DCBLD2: variants seen among roughly 807,000 people sequenced by gnomAD.
The protein encoded by DCBLD2 is discoidin, CUB and LCCL domain-containing protein 2.
Under a neutral mutation model 86.8 loss-of-function variants are expected in DCBLD2, and 54 were observed. The ratio of observed to expected loss-of-function variants is 0.62; its 90% CI spans 0.50 to 0.78. DCBLD2 has a LOEUF of 0.78. Ranked by LOEUF, DCBLD2 falls within the 30% of genes least tolerant of loss-of-function variation. DCBLD2 has a pLI of 0.00. For synonymous variants in DCBLD2, 354 were observed against 341.3 expected (o/e 1.04, Z -0.41); for missense variants, 908 against 954.2 (o/e 0.95, Z 0.64).
At chr3:98,814,759 G>A (rs1035591144) in intron 9 of DCBLD2, 1 of 152,154 alleles carries the variant, frequency 6.6e-6, no homozygotes, top group African/African-American at 2.4e-5. Context: ...TACATGAGCG[G>A]GAAAAGACTG....
At chr3:98,889,326 A>T (rs1943615436) in intron 1 of DCBLD2, among the ~76,000 whole-genome samples, 1 of 151,976 alleles carries the variant, frequency 6.6e-6, no homozygotes, top group Admixed American at 6.6e-5. Context: ...CTCAAAGTCA[A>T]GTCAATGTTA....
intron 4 of DCBLD2, 66 bp from the exon 5 acceptor site, chr3:98,822,807 C>A (rs1237358029): frequency 5.9e-6 from 8 of 1,360,800 alleles, no homozygotes; most frequent in African/African-American, 3.0e-5. Flanking sequence ...AGCAACCCCC[C>A]AAAAATATCA....
chr3:98,885,461 CT>C (rs1226387588), intron 1 of DCBLD2, among the ~76,000 whole-genome samples: 1 of 151,868 alleles, frequency 6.6e-6, no homozygotes, highest in African/African-American at 2.4e-5. Flanking sequence ...CATCGTGACC[CT>C]ATACACTCTC....
At chr3:98,826,130 C>G (rs972800605) in intron 3 of DCBLD2, among the ~76,000 whole-genome samples, 1 of 151,770 alleles carries the variant, frequency 6.6e-6, no homozygotes. Flanking sequence ...TAATTAAGAC[C>G]AAGTTCATAG....
chr3:98,848,306 T>G (rs1942763838), intron 3 of DCBLD2, among the ~76,000 whole-genome samples: 1 of 152,222 alleles, frequency 6.6e-6, no homozygotes, highest in East Asian at 1.9e-4. Context: ...AACATCTCAT[T>G]CTTTTTCATG....
intron 3 of DCBLD2, 65 bp from the exon 4 acceptor site, chr3:98,825,431 G>C: frequency 3.2e-6 from 4 of 1,253,846 alleles, no homozygotes; most frequent in Non-Finnish European, 4.4e-6. Flanking sequence ...GAAACTCCAA[G>C]TGTCTCAGAA....
At chr3:98,863,757 A>G (rs1943089437) in intron 2 of DCBLD2, among the ~76,000 whole-genome samples, 1 of 152,204 alleles carries the variant, frequency 6.6e-6, no homozygotes, top group South Asian at 2.1e-4. Context: ...CACCATAAAA[A>G]CCCTAGAAGA....
rs142448131 is a variant in DCBLD2, at chr3:98,870,702, GA to G, written c.433+10837del. Among the ~76,000 whole-genome samples the G allele has an allele frequency of 7.3e-3, 738 of 101,002 alleles. 28 individuals carry two copies. The highest frequency in any genetic ancestry group is 0.064 in the East Asian group (256 of 4,030). 66.3% of individuals were successfully genotyped at this position (101,002 alleles called of 152,430 possible). A position where few individuals can be genotyped will look rare whatever the true frequency, so the allele number is the denominator to read the frequency against. On this transcript the variant is annotated intron_variant, in intron 2 of 15. Transcript: ENST00000326840. ...AGAAATAGAGAAAGAAAAAGAGAGAGAAAAAAAGAAAGAAAAAGGAAAAGAA... is the reference window on the plus strand; with the variant it reads ...AGAAATAGAGAAAGAAAAAGAGAGAGAAAAAAGAAAGAAAAAGGAAAAGAA...
intron 5 of DCBLD2, 84 bp from the exon 6 acceptor site, chr3:98,822,445 G>C (rs1220857104): frequency 1.3e-6 from 2 of 1,486,910 alleles, no homozygotes; most frequent in Non-Finnish European, 1.8e-6. Context: ...TGAGAAATCA[G>C]TTAATCTAGG....
At chr3:98,847,961 T>G (rs966500028) in intron 3 of DCBLD2, among the ~76,000 whole-genome samples, 1 of 152,224 alleles carries the variant, frequency 6.6e-6, no homozygotes, top group Non-Finnish European at 1.5e-5. Flanking sequence ...TTGGATTTTA[T>G]TCTATTTGAT....
In DCBLD2 at chr3:98,868,460, A is replaced by G. The variant is rs565517279; in HGVS notation, c.433+13080T>C. Among the ~76,000 whole-genome samples, 423 of 152,182 alleles carry G rather than the reference A, an allele frequency of 2.8e-3. 3 individuals carry two copies. The highest frequency in any genetic ancestry group is 0.024 in the Middle Eastern group (7 of 294). On this transcript the variant is annotated intron_variant, in intron 2 of 15. Coordinates refer to ENST00000326840, the MANE Select transcript of DCBLD2 (RefSeq NM_080927.4). ...AAATCTCATGTTGAAATTTATTTAT[A>G]TATTTTTTTAATTTTCAATAGCTTT...
At chr3:98,849,142 C>G (rs1282812251) in intron 3 of DCBLD2, among the ~76,000 whole-genome samples, 2 of 148,612 alleles carry the variant, frequency 1.3e-5, no homozygotes, top group African/African-American at 5.0e-5. Flanking sequence ...GCACTCCAGC[C>G]TGGGCAACAA....
chr3:98,822,781 A>T, intron 4 of DCBLD2, 40 bp from the exon 5 acceptor site: 1 of 1,522,108 alleles, frequency 6.6e-7, no homozygotes. Context: ...ATAATGCTGT[A>T]TTTTACAGGG....
intron 1 of DCBLD2, among the ~76,000 whole-genome samples, chr3:98,888,752 A>G (rs201051106): frequency 6.6e-6 from 1 of 152,042 alleles, no homozygotes; most frequent in East Asian, 1.9e-4. Flanking sequence ...AGCATGCTTT[A>G]AAGCTTCTAG....
chr3:98,885,362 T>C (rs1232420569), intron 1 of DCBLD2, among the ~76,000 whole-genome samples: 1 of 152,106 alleles, frequency 6.6e-6, no homozygotes, highest in African/African-American at 2.4e-5. Context: ...CCTACTGCTA[T>C]GAAATATATG....
At chr3:98,837,977 T>G (rs1576172914) in intron 3 of DCBLD2, among the ~76,000 whole-genome samples, 1 of 46,874 alleles carries the variant, frequency 2.1e-5, no homozygotes, top group Non-Finnish European at 4.2e-5. Flanking sequence ...GGCTCCTCAC[T>G]TCCCAGTAGG....
At chr3:98,853,714 G>C (rs1300812613) in intron 2 of DCBLD2, among the ~76,000 whole-genome samples, 3 of 152,226 alleles carry the variant, frequency 2.0e-5, no homozygotes, top group Admixed American at 6.5e-5. Context: ...TAGTGCATCT[G>C]ACTCTGATAA....
chr3:98,828,167 TA>T (rs1292225193), intron 3 of DCBLD2, among the ~76,000 whole-genome samples: 1 of 152,080 alleles, frequency 6.6e-6, no homozygotes, highest in Non-Finnish European at 1.5e-5. Flanking sequence ...ATTTCTTAGA[TA>T]AAACACCAAA....
chr3:98,865,964 GT>G (rs1231780490), intron 2 of DCBLD2, among the ~76,000 whole-genome samples: 1 of 150,458 alleles, frequency 6.6e-6, no homozygotes, highest in Non-Finnish European at 1.5e-5. Flanking sequence ...GCGGTGTTCG[GT>G]TTTTTGTCCT....
Sources: allele counts gnomAD v4.1 joint callset (sites outside exome capture counted in the v4.1 genomes callset), GRCh38; gene constraint gnomAD v4.1.1; transcripts MANE v1.5; gene names NCBI Gene and HGNC (gene_info 2026-07-23, HGNC 2026-07-21).